CCDC7: variants seen among roughly 807,000 people sequenced by gnomAD.
The protein encoded by CCDC7 is coiled-coil domain containing 7.
A neutral mutation model predicts 196.9 loss-of-function variants in CCDC7; 183 were observed. The ratio of observed to expected loss-of-function variants is 0.93; its 90% CI spans 0.82 to 1.05. The LOEUF (loss-of-function observed/expected upper bound fraction) is 1.05, where lower values mean the gene tolerates loss of function less well. Ranked by LOEUF, CCDC7 falls within the 50% of genes least tolerant of loss-of-function variation. The pLI is 0.00. For synonymous variants in CCDC7, 525 were observed against 484.6 expected (o/e 1.08, Z -1.10); for missense variants, 1,540 against 1,482.2 (o/e 1.04, Z -0.64).
At chr10:32,586,369 T>G (rs540312551) in intron 18 of CCDC7, among the ~76,000 whole-genome samples, 2 of 152,316 alleles carry the variant, frequency 1.3e-5, no homozygotes, top group South Asian at 2.1e-4. Context: ...GCAGAAACTC[T>G]TTAGTTTAAT....
chr10:32,736,269 T>C (rs766096940), intron 28 of CCDC7, among the ~76,000 whole-genome samples: 2 of 152,154 alleles, frequency 1.3e-5, no homozygotes, highest in Non-Finnish European at 1.5e-5. Context: ...ACAAACAATA[T>C]TGAGACTTCC....
chr10:32,756,669 C>T (rs1006469359), intron 28 of CCDC7, among the ~76,000 whole-genome samples: 8 of 152,190 alleles, frequency 5.3e-5, no homozygotes, highest in Non-Finnish European at 7.3e-5. Flanking sequence ...TAAAGACCAT[C>T]GATGCTAGGA....
chr10:32,725,857 A>G (rs984614820), intron 25 of CCDC7, among the ~76,000 whole-genome samples: 7 of 152,166 alleles, frequency 4.6e-5, no homozygotes, highest in Non-Finnish European at 1.0e-4. Context: ...AATACCTCCA[A>G]CCTTAGGGAT....
At chr10:32,540,839 T>G (rs2051284793) in intron 11 of CCDC7, among the ~76,000 whole-genome samples, 1 of 152,118 alleles carries the variant, frequency 6.6e-6, no homozygotes, top group Admixed American at 6.6e-5. Context: ...AATCTGACGA[T>G]TATGTGTCTT....
At chr10:32,804,460 G>T (rs995451224) in intron 29 of CCDC7, among the ~76,000 whole-genome samples, 1 of 152,040 alleles carries the variant, frequency 6.6e-6, no homozygotes. Context: ...ATTTTCCATC[G>T]CTGGTGCTTA....
At chr10:32,853,185 T>C (rs2093627622) in intron 40 of CCDC7, among the ~76,000 whole-genome samples, 1 of 152,150 alleles carries the variant, frequency 6.6e-6, no homozygotes, top group African/African-American at 2.4e-5. Context: ...CCAAGACTTT[T>C]ATTTGAAGAA....
At chr10:32,578,208 A>T (rs774364336) in intron 16 of CCDC7, among the ~76,000 whole-genome samples, 5 of 152,004 alleles carry the variant, frequency 3.3e-5, no homozygotes, top group Non-Finnish European at 7.4e-5. Context: ...TGATATCACC[A>T]CTACCTAACA....
At chr10:32,712,769 G>A (rs2081034041) in intron 25 of CCDC7, among the ~76,000 whole-genome samples, 1 of 152,184 alleles carries the variant, frequency 6.6e-6, no homozygotes, top group African/African-American at 2.4e-5. Flanking sequence ...CTGGACAACA[G>A]CCTCTGTAAC....
intron 30 of CCDC7, among the ~76,000 whole-genome samples, chr10:32,805,832 G>T (rs2085716512): frequency 6.6e-6 from 1 of 152,144 alleles, no homozygotes; most frequent in Non-Finnish European, 1.5e-5. Context: ...TGCTATAAAG[G>T]AATACCTGAG....
intron 18 of CCDC7, among the ~76,000 whole-genome samples, chr10:32,633,832 T>G (rs1348148194): frequency 6.6e-6 from 1 of 151,762 alleles, no homozygotes; most frequent in Non-Finnish European, 1.5e-5. Context: ...TAGAGCAGTT[T>G]CATTCCTCCT....
At chr10:32,828,466 AGG>A (rs1491069526) in intron 32 of CCDC7, among the ~76,000 whole-genome samples, 5 of 64,520 alleles carry the variant, frequency 7.7e-5, no homozygotes, top group African/African-American at 1.8e-4. Context: ...GAAGAAGAAG[AGG>A]AAGAGGAAGA....
chr10:32,671,714 T>A (rs1351547592), intron 21 of CCDC7, among the ~76,000 whole-genome samples: 1 of 152,152 alleles, frequency 6.6e-6, no homozygotes, highest in Non-Finnish European at 1.5e-5. Context: ...TGTAGCCTCT[T>A]CTGACTAGTT....
At chr10:32,835,003 A>G in intron 33 of CCDC7, 105 bp downstream of exon 34, 1 of 500,732 alleles carries the variant, frequency 2.0e-6, no homozygotes, top group South Asian at 2.6e-5. Context: ...TACATGCGAA[A>G]ATATCTTCAT....
chr10:32,588,810 T>C (rs1325994415), intron 18 of CCDC7, among the ~76,000 whole-genome samples: 1 of 152,076 alleles, frequency 6.6e-6, no homozygotes, highest in Non-Finnish European at 1.5e-5. Flanking sequence ...TGATTACCGG[T>C]TCAATTTTCT....
At chr10:32,544,034 C>G (rs898688352) in intron 12 of CCDC7, among the ~76,000 whole-genome samples, 1 of 152,026 alleles carries the variant, frequency 6.6e-6, no homozygotes, top group South Asian at 2.1e-4. Flanking sequence ...TCAGTCTTTT[C>G]ACATTTTAAT....
At chr10:32,770,478 C>T (rs566381608) in intron 28 of CCDC7, among the ~76,000 whole-genome samples, 2 of 152,204 alleles carry the variant, frequency 1.3e-5, no homozygotes, top group South Asian at 2.1e-4. Flanking sequence ...TCTGAGAAGA[C>T]ACTTGATAAG....
intron 8 of CCDC7, 71 bp downstream of exon 9, chr10:32,474,094 T>C (rs765118327): frequency 1.3e-6 from 2 of 1,514,706 alleles, no homozygotes; most frequent in East Asian, 2.4e-5. Context: ...AAAGTAATAA[T>C]TATTAGGTTA....
chr10:32,567,576 T>G (rs1051831487), intron 14 of CCDC7, 94 bp from the exon 16 acceptor site: 12 of 1,361,220 alleles, frequency 8.8e-6, no homozygotes, highest in Admixed American at 5.6e-5. Flanking sequence ...TGAGAAATCA[T>G]GTAGGCGTAA....
chr10:32,631,536 C>T (rs2064861437), intron 18 of CCDC7, among the ~76,000 whole-genome samples: 1 of 152,132 alleles, frequency 6.6e-6, no homozygotes, highest in South Asian at 2.1e-4. Context: ...CAGTGCCACA[C>T]TCTTGATTAC....
Sources: gnomAD v4.1 joint callset for allele counts (sites outside exome capture counted in the v4.1 genomes callset) on GRCh38, gnomAD v4.1.1 for gene constraint, MANE v1.5 for transcripts, NCBI Gene and HGNC (gene_info 2026-07-23, HGNC 2026-07-21) for gene names.